TOPAZ1: variants seen among roughly 807,000 people sequenced by gnomAD.
TOPAZ1 encodes the protein protein TOPAZ1.
Under a neutral mutation model 172.2 loss-of-function variants are expected in TOPAZ1, and 66 were observed. The ratio of observed to expected loss-of-function variants is 0.38; its 90% CI spans 0.31 to 0.47. The LOEUF is 0.47. TOPAZ1 is among the 20% of genes least tolerant of loss of function. The pLI is 0.99. For synonymous variants in TOPAZ1, 681 were observed against 683.9 expected, an observed-to-expected ratio of 1.00 and a Z score of 0.07; for missense variants, 1,822 against 1,972.4, an observed-to-expected ratio of 0.92 and a Z score of 1.44.
In TOPAZ1 at chr3:44,272,423, T is replaced by C. The variant is rs1037177498; in HGVS notation, c.3372+1613T>C. Among the ~76,000 whole-genome samples the C allele has an allele frequency of 3.3e-5, 5 of 152,366 alleles. 1 individual carries two copies. The South Asian group carries it at 6.2e-4, about 19-fold the overall frequency. On this transcript the variant is annotated intron_variant, in intron 8 of 19. Transcript: ENST00000309765. Reference sequence around the variant, plus strand: ...ACCAGCACTTGTTATTGTTTGTCTTTTTGATAATAGCCATTCTGACAGATG... The same window carrying C: ...ACCAGCACTTGTTATTGTTTGTCTTCTTGATAATAGCCATTCTGACAGATG...
chr3:44,304,482 T>C (rs1700312440), intron 13 of TOPAZ1, among the ~76,000 whole-genome samples: 1 of 152,192 alleles, frequency 6.6e-6, no homozygotes, highest in Non-Finnish European at 1.5e-5. Flanking sequence ...TCTCCAACCA[T>C]TTAGAGTATA....
chr3:44,279,912 A>G (rs537742516), intron 8 of TOPAZ1, among the ~76,000 whole-genome samples: 7 of 152,092 alleles, frequency 4.6e-5, no homozygotes, highest in Middle Eastern at 6.8e-3. Flanking sequence ...CTTATTGCCT[A>G]TCTGTAGTGC....
intron 8 of TOPAZ1, among the ~76,000 whole-genome samples, chr3:44,276,821 T>C (rs1049696986): frequency 3.3e-5 from 5 of 151,980 alleles, no homozygotes; most frequent in Non-Finnish European, 5.9e-5. Flanking sequence ...AGACGGAGTC[T>C]GGCTCTGTCG....
chr3:44,312,337 A>G (rs1273168462), intron 16 of TOPAZ1, among the ~76,000 whole-genome samples: 2 of 152,170 alleles, frequency 1.3e-5, no homozygotes, highest in Non-Finnish European at 2.9e-5. Flanking sequence ...CCCTTAAAAT[A>G]TGTGTAGAAG....
Position 44,256,202 on chromosome 3 carries a change from T to C in TOPAZ1, c.2879T>C (p.Val960Ala), listed in dbSNP as rs976645471. The change falls in exon 4 of 20, where the codon GTT becomes GCT. Residue 960 changes from valine (V) to alanine (A), a missense_variant. Val to Ala is a moderately conservative substitution (Grantham distance 64). Around this residue, in one of 2 missense-constraint regions of TOPAZ1, gnomAD observed 1,489 missense variants for 1,490.8 expected, o/e 1.00. Transcript: ENST00000309765. ...PKDVNTSLGEVANETSENETL... is the reference protein window; with the variant it reads ...PKDVNTSLGEAANETSENETL... ...GATGTAAACACTTCCTTAGGAGAAG[T>C]TGCTAATGAGACCTCTGAAAATGAA... 19 of 1,531,826 alleles carry C rather than the reference T, an allele frequency of 1.2e-5. No individual in the cohort carries two copies. The Admixed American group carries it at 1.3e-4, about 11-fold the overall frequency. The allele number at this position is 1,531,826 out of a possible 1,614,324, so 94.9% of individuals were successfully genotyped here.
Position 44,243,404 on chromosome 3 carries a change from T to G in TOPAZ1, c.898T>G (p.Leu300Val), listed in dbSNP as rs1443219669. 1.3e-6 allele frequency: 2 copies of G among 1,551,338 alleles called. No individual in the cohort carries two copies. Among genetic ancestry groups the G allele is most frequent in the Non-Finnish European group, 1.7e-6 (2 of 1,146,878 alleles). Residue 300 changes from leucine (L) to valine (V), a missense_variant, in exon 2 of 20, where the codon TTA becomes GTA. Leu to Val is a conservative substitution (Grantham distance 32). Transcript: ENST00000309765. ...VNKLLPEESDLYQSKTNGLLS... is the reference protein window; with the variant it reads ...VNKLLPEESDVYQSKTNGLLS... ...TAAGTTACTACCAGAAGAGAGTGATTTATACCAAAGTAAAACCAATGGCTT... is the reference window on the plus strand; with the variant it reads ...TAAGTTACTACCAGAAGAGAGTGATGTATACCAAAGTAAAACCAATGGCTT...
rs1280436626 is a variant in TOPAZ1 at position 44,244,049 on chromosome 3, T to A, written c.1543T>A (p.Ser515Thr). 1 of 1,551,848 alleles carries A rather than the reference T, an allele frequency of 6.4e-7. No homozygotes were observed. Among genetic ancestry groups the A allele is most frequent in the Admixed American group, 2.0e-5 (1 of 50,996 alleles). The stretch of plus-strand genomic sequence containing the variant: ...TTGGAAAAAGGCTTCCTTGCCAGAA[T>A]CAAGTTACTTTCTTCGTGGGTCTCA... ...WCWKKASLPE[S>T]SYFLRGSQES... is the part of the protein sequence containing the mutation. Residue 515 changes from serine to threonine, a missense_variant, in exon 2 of 20, where the codon TCA becomes ACA. Transcript: ENST00000309765.
intron 4 of TOPAZ1, among the ~76,000 whole-genome samples, chr3:44,257,555 T>G (rs1043738161): frequency 2.0e-5 from 3 of 151,212 alleles, no homozygotes; most frequent in Non-Finnish European, 4.4e-5. Context: ...TGTGTATCAC[T>G]TGTCAATTTT....
Position 44,328,311 on chromosome 3 carries a change from A to G in TOPAZ1, c.4737A>G (p.Leu1579=), listed in dbSNP as rs1232593420. The change falls in exon 19 of 20, where the codon CTA becomes CTG. Residue 1579 remains leucine (L), a synonymous_variant. Coordinates refer to ENST00000309765, the MANE Select transcript of TOPAZ1 (RefSeq NM_001145030.2). ...GAAATTTATACCGAAAACTTCTTCTAATTCCATCTTATTTATCTGAGATTG... is the reference window on the plus strand; with the variant it reads ...GAAATTTATACCGAAAACTTCTTCTGATTCCATCTTATTTATCTGAGATTG... ...LEGNLYRKLL[L]IPSYLSEIEM... 6.6e-7 allele frequency: 1 copy of G among 1,517,376 alleles called. No individual in the cohort carries two copies. The highest frequency in any genetic ancestry group is 1.4e-5 in the African/African-American group (1 of 70,290). 94.0% of individuals were successfully genotyped at this position (1,517,376 alleles called of 1,614,324 possible).
chr3:44,264,433 C>T (rs1326598550), intron 5 of TOPAZ1, among the ~76,000 whole-genome samples: 1 of 152,184 alleles, frequency 6.6e-6, no homozygotes, highest in Admixed American at 6.5e-5. Context: ...AAAATGTACA[C>T]ACCTTCATTT....
Position 44,243,420 on chromosome 3 carries a change from C to T in TOPAZ1, c.914C>T (p.Thr305Ile). ...PEESDLYQSKTNGLLSCLQHE... is the reference protein window; with the variant it reads ...PEESDLYQSKINGLLSCLQHE... ...GAGAGTGATTTATACCAAAGTAAAA[C>T]CAATGGCTTGCTTTCCTGCCTTCAA... The change falls in exon 2 of 20, where the codon ACC (threonine) becomes ATC (isoleucine). Residue 305 changes from threonine to isoleucine, a missense_variant. Physicochemically the swap from Thr to Ile is moderately conservative, Grantham distance 89. Around this residue, in one of 2 missense-constraint regions of TOPAZ1, gnomAD observed 1,489 missense variants for 1,490.8 expected, o/e 1.00. Transcript: ENST00000309765. 1.3e-6 allele frequency: 2 copies of T among 1,551,452 alleles called. No individual in the cohort carries two copies. The highest frequency in any genetic ancestry group is 1.7e-6 in the Non-Finnish European group (2 of 1,146,888).
rs1254179995 is a variant in TOPAZ1 at position 44,304,159 on chromosome 3, C to G, written c.3864+78C>G. 5.1e-6 allele frequency: 4 copies of G among 784,424 alleles called. No individual in the cohort carries two copies. In the East Asian group the frequency reaches 1.1e-4, roughly 22 times the overall value. The allele number at this position is 784,424 out of a possible 1,614,324, so 48.6% of individuals were successfully genotyped here. On this transcript the variant is annotated intron_variant, in intron 13 of 19. Coordinates refer to ENST00000309765, the MANE Select transcript of TOPAZ1 (RefSeq NM_001145030.2). Reference sequence around the variant, plus strand: ...CAACAAAAAAGGTTTGAATAATAACCCCATTTTATGAAAAGTTTTAGAAAT... The same window carrying G: ...CAACAAAAAAGGTTTGAATAATAACGCCATTTTATGAAAAGTTTTAGAAAT...
At chr3:44,257,473 T>TA (rs1699727844) in intron 4 of TOPAZ1, among the ~76,000 whole-genome samples, 1 of 4,024 alleles carries the variant, frequency 2.5e-4, no homozygotes. Context: ...ATATATAGTG[T>TA]GTGTGTGTGT....
intron 2 of TOPAZ1, among the ~76,000 whole-genome samples, chr3:44,246,872 G>C (rs1202437673): frequency 6.6e-6 from 1 of 152,178 alleles, no homozygotes; most frequent in Non-Finnish European, 1.5e-5. Context: ...ATTTTTAACT[G>C]TTATACCATA....
At chr3:44,318,625 G>A (rs1026847834) in intron 16 of TOPAZ1, among the ~76,000 whole-genome samples, 2 of 151,740 alleles carry the variant, frequency 1.3e-5, no homozygotes, top group Non-Finnish European at 2.9e-5. Context: ...AGGATCTGAG[G>A]TCTGTTATTC....
intron 5 of TOPAZ1, among the ~76,000 whole-genome samples, chr3:44,265,341 C>T (rs1356505305): frequency 6.6e-6 from 1 of 152,156 alleles, no homozygotes; most frequent in Non-Finnish European, 1.5e-5. Context: ...GTGGGTGGAT[C>T]ACAAGGTCAG....
chr3:44,258,763 G>A (rs1699743459), intron 4 of TOPAZ1, among the ~76,000 whole-genome samples: 1 of 152,138 alleles, frequency 6.6e-6, no homozygotes, highest in African/African-American at 2.4e-5. Flanking sequence ...ACAGGATAAA[G>A]CTGCTATCTA....
At chr3:44,298,784 A>C (rs1208395061) in intron 12 of TOPAZ1, among the ~76,000 whole-genome samples, 1 of 92,400 alleles carries the variant, frequency 1.1e-5, no homozygotes, top group Non-Finnish European at 2.3e-5. Flanking sequence ...ATGAATTTAA[A>C]CAAAAAAACT....
Position 44,266,104 on chromosome 3 carries a change from TC to T in TOPAZ1, c.3021-892del, listed in dbSNP as rs376829901. 4.2e-3 allele frequency among the ~76,000 whole-genome samples: 645 copies of T among 152,340 alleles called. 1 individual carries two copies. Among genetic ancestry groups the T allele is most frequent in the African/African-American group, 0.015 (631 of 41,584 alleles). On this transcript the variant is annotated intron_variant, in intron 5 of 19. Transcript: ENST00000309765. ...TTCTATGTTACAGAGATGATTTGTT[TC>T]GTGAAACCTCATGAACCAATTTTGC...
Sources: allele counts gnomAD v4.1 joint callset (sites outside exome capture counted in the v4.1 genomes callset), GRCh38; gene constraint gnomAD v4.1.1; regional missense constraint gnomAD v4.1.1; transcripts MANE v1.5; gene names NCBI Gene and HGNC (gene_info 2026-07-23, HGNC 2026-07-21).